Variants in TTC28 observed in about 807,000 individuals in gnomAD.
The protein encoded by TTC28 is tetratricopeptide repeat protein 28.
In TTC28, 61 loss-of-function variants were observed where a neutral mutation model predicts 198.0. The observed-to-expected ratio is 0.31, with a 90% CI of 0.25 to 0.38. The LOEUF (loss-of-function observed/expected upper bound fraction) is 0.38, where lower values mean the gene tolerates loss of function less well. TTC28 is among the 10% of genes least tolerant of loss of function. TTC28 has a pLI of 1.00. For synonymous variants in TTC28, 1,171 were observed against 1,297.8 expected (o/e 0.90, Z 2.10); for missense variants, 2,678 against 3,164.0 (o/e 0.85, Z 3.69).
intron 2 of TTC28, among the ~76,000 whole-genome samples, chr22:28,545,425 A>T (rs1032430465): frequency 6.6e-6 from 1 of 152,036 alleles, no homozygotes; most frequent in Non-Finnish European, 1.5e-5. Context: ...TTAAAAAAAT[A>T]AAAAATAGCC....
chr22:27,993,372 A>G lies in TTC28; in HGVS notation c.5391T>C (p.Ser1797=). The change falls in exon 18 of 23, where the codon AGT becomes AGC. Residue 1797 remains serine, a synonymous_variant. Coordinates refer to ENST00000397906, the MANE Select transcript of TTC28 (RefSeq NM_001145418.2). ...GGAAGAAGACAGCCGCTGGCAGGCCACTGGTTGGGGGGTCCAGCCGGAAGC... is the reference window on the plus strand; with the variant it reads ...GGAAGAAGACAGCCGCTGGCAGGCCGCTGGTTGGGGGGTCCAGCCGGAAGC... ...AVGFRLDPPT[S]GLPAAVFFPT... The G allele has an allele frequency of 1.3e-6, 2 of 1,551,032 alleles. No homozygotes were observed. Among genetic ancestry groups the G allele is most frequent in the Non-Finnish European group, 1.7e-6 (2 of 1,146,962 alleles).
chr22:28,148,771 CA>C (rs1449921347), intron 6 of TTC28, among the ~76,000 whole-genome samples: 3 of 151,956 alleles, frequency 2.0e-5, no homozygotes, highest in African/African-American at 7.3e-5. Flanking sequence ...CAGAAATTGC[CA>C]TTGCTCCCAG....
chr22:28,094,766 C>A (rs1338635570), intron 11 of TTC28, among the ~76,000 whole-genome samples: 1 of 152,032 alleles, frequency 6.6e-6, no homozygotes, highest in Non-Finnish European at 1.5e-5. Context: ...ACTAACTGGT[C>A]AATGGTCATT....
At chr22:28,094,054 G>T (rs918289313) in intron 12 of TTC28, 26 bp downstream of exon 12, 31 of 1,498,292 alleles carry the variant, frequency 2.1e-5, no homozygotes, top group Non-Finnish European at 2.8e-5. Flanking sequence ...ATCTGAAAAT[G>T]GACTTGGGGA....
At chr22:28,602,477 A>G (rs190042707) in intron 2 of TTC28, among the ~76,000 whole-genome samples, 1 of 152,316 alleles carries the variant, frequency 6.6e-6, no homozygotes, top group African/African-American at 2.4e-5. Flanking sequence ...TGTTACCAAT[A>G]CATACTGAAG....
rs189383804 is a variant in TTC28 at position 28,334,635 on chromosome 22, C to G, written c.382-27992G>C. Among the ~76,000 whole-genome samples, 410 of 152,292 alleles carry G rather than the reference C, an allele frequency of 2.7e-3. 2 individuals are homozygous for G. The highest frequency in any genetic ancestry group is 8.7e-3 in the African/African-American group (363 of 41,550). On this transcript the variant is annotated intron_variant, in intron 2 of 22. Coordinates refer to ENST00000397906, the MANE Select transcript of TTC28 (RefSeq NM_001145418.2). ...GAGCATTTTTTCATGTGTCTTTTGG[C>G]TGCATAAATGTCTTCTTTGGAGAAG...
chr22:28,330,109 C>T (rs113045440), intron 2 of TTC28, among the ~76,000 whole-genome samples: 3 of 152,178 alleles, frequency 2.0e-5, no homozygotes, highest in African/African-American at 7.2e-5. Context: ...CAAATGAATT[C>T]TTTTTCAAAA....
chr22:28,547,316 C>T (rs2049566670), intron 2 of TTC28, among the ~76,000 whole-genome samples: 1 of 151,924 alleles, frequency 6.6e-6, no homozygotes, highest in Non-Finnish European at 1.5e-5. Flanking sequence ...TTGGGACTGC[C>T]AAAGTTTTTC....
chr22:28,378,226 A>C (rs904028369), intron 2 of TTC28, among the ~76,000 whole-genome samples: 1 of 151,772 alleles, frequency 6.6e-6, no homozygotes, highest in African/African-American at 2.4e-5. Context: ...CACACCTGTA[A>C]TCTCAGCTGC....
At chr22:28,252,068 C>G (rs1352293482) in intron 5 of TTC28, among the ~76,000 whole-genome samples, 2 of 152,154 alleles carry the variant, frequency 1.3e-5, no homozygotes, top group African/African-American at 4.8e-5. Flanking sequence ...TAGGAGATGG[C>G]TACATGGTAA....
intron 2 of TTC28, among the ~76,000 whole-genome samples, chr22:28,485,499 T>C (rs951497893): frequency 2.0e-5 from 3 of 152,192 alleles, no homozygotes; most frequent in Non-Finnish European, 2.9e-5. Flanking sequence ...GCTTTAAATA[T>C]ATTCATGCCA....
At chr22:28,331,890 T>C (rs900737254) in intron 2 of TTC28, among the ~76,000 whole-genome samples, 2 of 152,076 alleles carry the variant, frequency 1.3e-5, no homozygotes, top group African/African-American at 4.8e-5. Context: ...GGGGAGAAAT[T>C]ATCCAAACTA....
At chr22:28,587,022 G>C (rs2050331229) in intron 2 of TTC28, among the ~76,000 whole-genome samples, 1 of 152,164 alleles carries the variant, frequency 6.6e-6, no homozygotes, top group East Asian at 1.9e-4. Context: ...AGGAGTTCAA[G>C]ACCAGCCTGG....
At chr22:28,483,982 A>G (rs1268218393) in intron 2 of TTC28, among the ~76,000 whole-genome samples, 1 of 152,222 alleles carries the variant, frequency 6.6e-6, no homozygotes, top group African/African-American at 2.4e-5. Flanking sequence ...GCATTTTTTC[A>G]TAATTTATAA....
intron 2 of TTC28, among the ~76,000 whole-genome samples, chr22:28,375,621 G>A (rs1222107186): frequency 1.3e-5 from 2 of 152,124 alleles, no homozygotes; most frequent in Non-Finnish European, 2.9e-5. Context: ...TTCTGTGATG[G>A]CTAATTTTAG....
At chr22:28,072,246 C>T (rs2146777749) in intron 12 of TTC28, among the ~76,000 whole-genome samples, 1 of 152,258 alleles carries the variant, frequency 6.6e-6, no homozygotes, top group African/African-American at 2.4e-5. Flanking sequence ...CCGTGTGTGC[C>T]AGAGAAGGTG....
intron 2 of TTC28, among the ~76,000 whole-genome samples, chr22:28,373,275 G>A (rs2046363869): frequency 6.6e-6 from 1 of 151,642 alleles, no homozygotes; most frequent in Non-Finnish European, 1.5e-5. Flanking sequence ...AAAGCCTGGA[G>A]TTTGGCTTTC....
chr22:28,335,495 T>C (rs1252290189), intron 2 of TTC28, among the ~76,000 whole-genome samples: 1 of 152,170 alleles, frequency 6.6e-6, no homozygotes, highest in African/African-American at 2.4e-5. Context: ...GAGCATAGAA[T>C]GTTCTTCCAT....
intron 6 of TTC28, among the ~76,000 whole-genome samples, chr22:28,161,210 T>C (rs1033598984): frequency 3.9e-5 from 6 of 152,100 alleles, no homozygotes; most frequent in Non-Finnish European, 8.8e-5. Flanking sequence ...TAGAGAAAAT[T>C]TTGTATCTGT....
Sources: allele counts gnomAD v4.1 joint callset (sites outside exome capture counted in the v4.1 genomes callset), GRCh38; gene constraint gnomAD v4.1.1; transcripts MANE v1.5; gene names NCBI Gene and HGNC (gene_info 2026-07-23, HGNC 2026-07-21).